Variants in CTNNA2 observed in about 807,000 individuals in gnomAD.
CTNNA2 encodes the protein catenin alpha-2.
Under a neutral mutation model 101.0 loss-of-function variants are expected in CTNNA2, and 42 were observed. That is an observed-to-expected ratio of 0.42 (90% confidence interval 0.32 to 0.54). CTNNA2 has a LOEUF of 0.54. Ranked by LOEUF, CTNNA2 falls within the 20% of genes least tolerant of loss-of-function variation. The pLI, the probability that CTNNA2 is intolerant of heterozygous loss-of-function variation, is 0.14. For missense variants in CTNNA2, 871 were observed against 1,223.1 expected, an observed-to-expected ratio of 0.71 and a Z score of 4.29; for synonymous variants, 450 against 456.4, an observed-to-expected ratio of 0.99 and a Z score of 0.18.
intron 2 of CTNNA2, among the ~76,000 whole-genome samples, chr2:79,303,881 GA>G (rs922728774): frequency 1.3e-5 from 2 of 151,990 alleles, no homozygotes; most frequent in Non-Finnish European, 2.9e-5. Context: ...GAGCGAGAAA[GA>G]TAGAGAGATA....
chr2:80,490,076 TC>T (rs1487607357), intron 9 of CTNNA2, among the ~76,000 whole-genome samples: 1 of 152,168 alleles, frequency 6.6e-6, no homozygotes, highest in Non-Finnish European at 1.5e-5. Context: ...AAATGCTTTC[TC>T]CTTATTTGAG....
chr2:80,509,993 A>G (rs1004456298), intron 9 of CTNNA2, among the ~76,000 whole-genome samples: 1 of 152,174 alleles, frequency 6.6e-6, no homozygotes, highest in African/African-American at 2.4e-5. Flanking sequence ...ATCCTTTATT[A>G]TGTTTGTTGA....
intron 8 of CTNNA2, among the ~76,000 whole-genome samples, chr2:80,400,759 T>A (rs1180718523): frequency 6.6e-6 from 1 of 152,218 alleles, no homozygotes; most frequent in Non-Finnish European, 1.5e-5. Flanking sequence ...AAATGCATTT[T>A]GAGTCCATTG....
intron 7 of CTNNA2, among the ~76,000 whole-genome samples, chr2:80,291,354 A>C (rs1055768730): frequency 1.3e-5 from 2 of 152,192 alleles, no homozygotes; most frequent in South Asian, 4.1e-4. Flanking sequence ...CTACAGACCT[A>C]AGAAAGAAAG....
chr2:79,687,450 T>TA lies in CTNNA2; in HGVS notation c.102+35792_102+35793insA, dbSNP rs1191192435. ...AAAAGGTCATTTGGATCTGCTTTTT[T>TA]TTTTTTGTACCTTCAGATAATTTTG... On this transcript the variant is annotated intron_variant, in intron 2 of 18. Transcript: ENST00000402739. The TA allele has an allele frequency of 1.3e-5, 7 of 522,826 alleles. No homozygotes were observed. In the East Asian group the frequency reaches 2.3e-4, roughly 17 times the overall value. 32.4% of individuals were successfully genotyped at this position (522,826 alleles called of 1,614,324 possible). A position where few individuals can be genotyped will look rare whatever the true frequency, so the allele number is the denominator to read the frequency against.
intron 2 of CTNNA2, among the ~76,000 whole-genome samples, chr2:79,676,664 G>C (rs956005233): frequency 1.3e-5 from 2 of 151,998 alleles, no homozygotes; most frequent in African/African-American, 4.8e-5. Context: ...AGAAACAGCA[G>C]ACAGTCCAAA....
intron 7 of CTNNA2, among the ~76,000 whole-genome samples, chr2:80,227,966 C>A (rs921202312): frequency 2.1e-5 from 3 of 144,408 alleles, no homozygotes; most frequent in African/African-American, 8.7e-5. Context: ...GCCCAGGCAG[C>A]ATTTTTTTTT....
chr2:79,601,267 C>T (rs1315295188), intron 1 of CTNNA2, among the ~76,000 whole-genome samples: 3 of 152,190 alleles, frequency 2.0e-5, no homozygotes, highest in Non-Finnish European at 4.4e-5. Flanking sequence ...ACTTCACCTG[C>T]ATGTCACTTA....
intron 7 of CTNNA2, among the ~76,000 whole-genome samples, chr2:79,911,119 A>G (rs2974179): frequency 0.24 from 36,737 of 152,062 alleles, 4,943 homozygotes; most frequent in Middle Eastern, 0.36. Flanking sequence ...TGTAATTTTG[A>G]TCCATGGTAT....
chr2:79,648,265 A>G (rs1168353607), intron 1 of CTNNA2, among the ~76,000 whole-genome samples: 1 of 152,112 alleles, frequency 6.6e-6, no homozygotes, highest in African/African-American at 2.4e-5. Flanking sequence ...TTTTCTGACT[A>G]CCATTGCCTC....
At chr2:79,264,219 G>T (rs1407756542) in intron 2 of CTNNA2, among the ~76,000 whole-genome samples, 1 of 152,142 alleles carries the variant, frequency 6.6e-6, no homozygotes, top group Admixed American at 6.6e-5. Context: ...ATGTGGTAGG[G>T]TGAGAGCCAG....
chr2:80,641,257 T>G (rs1673450081), intron 18 of CTNNA2, among the ~76,000 whole-genome samples: 1 of 152,202 alleles, frequency 6.6e-6, no homozygotes, highest in Admixed American at 6.5e-5. Context: ...CTATTTAGCT[T>G]AGCCAGCGGT....
chr2:80,075,646 TATAAAA>T (rs1558783563), intron 7 of CTNNA2, among the ~76,000 whole-genome samples: 1,710 of 97,848 alleles, frequency 0.017, 35 homozygotes, highest in Admixed American at 0.029. Flanking sequence ...GTATAAATAT[TATAAAA>T]ATAATATTTA....
At chr2:79,769,978 T>A (rs1273120123) in intron 3 of CTNNA2, among the ~76,000 whole-genome samples, 1 of 152,196 alleles carries the variant, frequency 6.6e-6, no homozygotes, top group Non-Finnish European at 1.5e-5. Context: ...GTTTTAAAAT[T>A]CATTTAATTT....
intron 2 of CTNNA2, among the ~76,000 whole-genome samples, chr2:79,729,847 T>C (rs764686972): frequency 2.0e-5 from 3 of 152,108 alleles, no homozygotes; most frequent in Admixed American, 2.0e-4. Context: ...ACTGGCATTT[T>C]ACCAGCAGTT....
At chr2:79,670,093 G>A (rs948172760) in intron 2 of CTNNA2, among the ~76,000 whole-genome samples, 1 of 152,218 alleles carries the variant, frequency 6.6e-6, no homozygotes, top group African/African-American at 2.4e-5. Context: ...GAGGGTGCAG[G>A]CTGCAGAGAT....
At chr2:79,895,708 TTG>T (rs1553396930) in intron 6 of CTNNA2, among the ~76,000 whole-genome samples, 1 of 151,608 alleles carries the variant, frequency 6.6e-6, no homozygotes, top group African/African-American at 2.4e-5. Flanking sequence ...TTTTTTTTTT[TTG>T]GCTGCATGCC....
At chr2:79,330,603 A>T (rs1676849266) in intron 3 of CTNNA2, among the ~76,000 whole-genome samples, 1 of 152,156 alleles carries the variant, frequency 6.6e-6, no homozygotes, top group Admixed American at 6.5e-5. Flanking sequence ...TAGCTCCCAG[A>T]ATTCCCACGT....
At chr2:79,273,026 C>T (rs1380126653) in intron 2 of CTNNA2, among the ~76,000 whole-genome samples, 1 of 151,966 alleles carries the variant, frequency 6.6e-6, no homozygotes, top group Admixed American at 6.6e-5. Flanking sequence ...TTAGCAGTGC[C>T]ATATCAAGGT....
Sources: allele counts gnomAD v4.1 joint callset (sites outside exome capture counted in the v4.1 genomes callset), GRCh38; gene constraint gnomAD v4.1.1; transcripts MANE v1.5; gene names NCBI Gene and HGNC (gene_info 2026-07-23, HGNC 2026-07-21).